The following PLD1 variants were observed in gnomAD, a reference collection of about 807,000 sequenced individuals.
PLD1 encodes choline phosphatase 1.
In PLD1, 112 loss-of-function variants were observed where a neutral mutation model predicts 137.1. The observed-to-expected ratio is 0.82, with a 90% CI of 0.70 to 0.96. The LOEUF (loss-of-function observed/expected upper bound fraction) is 0.96. Ranked by LOEUF, PLD1 falls within the 40% of genes least tolerant of loss-of-function variation. PLD1 has a pLI of 0.00. For missense variants in PLD1, 1,321 were observed against 1,342.0 expected (o/e 0.98, Z 0.24); for synonymous variants, 431 against 454.7 (o/e 0.95, Z 0.66).
At chr3:171,716,574 T>G (rs556708776) in intron 8 of PLD1, among the ~76,000 whole-genome samples, 31 of 152,234 alleles carry the variant, frequency 2.0e-4, no homozygotes, top group Non-Finnish European at 4.0e-4. Flanking sequence ...CTTTGCCCAC[T>G]TTTTAATGGA....
chr3:171,687,337 G>T lies in PLD1; in HGVS notation c.1753+34C>A, dbSNP rs369781972. 9.0e-6 allele frequency: 14 copies of T among 1,556,604 alleles called. 1 individual carries two copies. The African/African-American group carries it at 1.1e-4, about 12-fold the overall frequency. On this transcript the variant is annotated intron_variant, in intron 15 of 26. Coordinates refer to ENST00000351298, the MANE Select transcript of PLD1 (RefSeq NM_002662.5). ...TCTGGCTATGGAAGAACAGTGGGTAGTTAAGATAAATTCTAGTCAAGGCCA... is the reference window on the plus strand; with the variant it reads ...TCTGGCTATGGAAGAACAGTGGGTATTTAAGATAAATTCTAGTCAAGGCCA...
At chr3:171,729,146 AGCCTAACGGCATTTC>A (rs1359872559) in intron 6 of PLD1, among the ~76,000 whole-genome samples, 2 of 152,268 alleles carry the variant, frequency 1.3e-5, no homozygotes, top group Non-Finnish European at 2.9e-5. Context: ...AGATCAATTT[AGCCTAACGGCATTTC>A]GCAGGGCTTA....
chr3:171,774,356 G>A (rs900998274), intron 1 of PLD1, among the ~76,000 whole-genome samples: 2 of 152,162 alleles, frequency 1.3e-5, no homozygotes, highest in Non-Finnish European at 2.9e-5. Flanking sequence ...CCCAGGGAGA[G>A]GGCACTCACT....
At position 171,646,629 on chromosome 3, in the gene PLD1, AG is replaced by A. The variant is rs1736240922; in HGVS notation, c.2430-1607del. 2.0e-5 allele frequency among the ~76,000 whole-genome samples: 3 copies of A among 151,226 alleles called. No individual in the cohort carries two copies. The South Asian group carries it at 6.2e-4, about 31-fold the overall frequency. On this transcript the variant is annotated intron_variant, in intron 21 of 26. Coordinates refer to ENST00000351298, the MANE Select transcript of PLD1 (RefSeq NM_002662.5). ...AAGTTTGCTGCTTGGTAAGAATAAA[AG>A]GCTCACATCCCTAAATGGTGAGCAG...
At chr3:171,705,854 T>C (rs4894499) in intron 11 of PLD1, among the ~76,000 whole-genome samples, 34,655 of 152,066 alleles carry the variant, frequency 0.23, 4,233 homozygotes, top group Admixed American at 0.3. Context: ...CAACAAACTA[T>C]AGCTCACAAG....
At chr3:171,628,541 G>T (rs1057499941) in intron 23 of PLD1, among the ~76,000 whole-genome samples, 3 of 151,846 alleles carry the variant, frequency 2.0e-5, no homozygotes, top group Non-Finnish European at 2.9e-5. Flanking sequence ...TACCAAAGCC[G>T]GGCAGAGACA....
chr3:171,674,487 A>C lies in PLD1; in HGVS notation c.2229+13T>G, dbSNP rs1713120425. On this transcript the variant is annotated intron_variant, in intron 19 of 26. Coordinates refer to ENST00000351298, the MANE Select transcript of PLD1 (RefSeq NM_002662.5). Reference sequence around the variant, plus strand: ...TAGCATTTTGTCAAAAAGAAAAGCCAGAACTTACTTACCTGTACGTTAGCA... The same window carrying C: ...TAGCATTTTGTCAAAAAGAAAAGCCCGAACTTACTTACCTGTACGTTAGCA... 4.3e-6 allele frequency: 6 copies of C among 1,397,634 alleles called. No individual in the cohort carries two copies. Among genetic ancestry groups the C allele is most frequent in the Non-Finnish European group, 5.0e-6 (5 of 1,001,122 alleles). The allele number at this position is 1,397,634 out of a possible 1,614,324, so 86.6% of individuals were successfully genotyped here.
In PLD1 at chr3:171,734,849, TA is replaced by T. The variant is rs1217513880; in HGVS notation, c.540+15del. ...CAAAATTAGGTTTAAAACCACAGAA[TA>T]GTGAAGAAACTTACTCTTCTACCAA... On this transcript the variant is annotated intron_variant, in intron 5 of 26. Coordinates refer to ENST00000351298, the MANE Select transcript of PLD1 (RefSeq NM_002662.5). The T allele has an allele frequency of 6.7e-7, 1 of 1,492,314 alleles. No individual in the cohort carries two copies. Among genetic ancestry groups the T allele is most frequent in the Non-Finnish European group, 9.4e-7 (1 of 1,069,240 alleles). The allele number at this position is 1,492,314 out of a possible 1,614,324, so 92.4% of individuals were successfully genotyped here.
At position 171,688,669 on chromosome 3, in the gene PLD1, T is replaced by G; in HGVS notation, c.1539+7A>C. ...TATACATTTCCATAAAGGTTAAATA[T>G]ACTTACTGGGAGGGAACCCAGAGAC... On this transcript the variant is annotated splice_region_variant and intron_variant, in intron 14 of 26. Coordinates refer to ENST00000351298, the MANE Select transcript of PLD1 (RefSeq NM_002662.5). 1 of 1,599,950 alleles carries G rather than the reference T, an allele frequency of 6.3e-7. No homozygotes were observed.
At chr3:171,775,685 A>G (rs1204277259) in intron 1 of PLD1, among the ~76,000 whole-genome samples, 2 of 152,106 alleles carry the variant, frequency 1.3e-5, no homozygotes, top group Non-Finnish European at 2.9e-5. Flanking sequence ...TCTACTAAAA[A>G]TACAAAAATT....
chr3:171,722,232 C>T lies in PLD1; in HGVS notation c.758+2464G>A, dbSNP rs558337538. On this transcript the variant is annotated intron_variant, in intron 8 of 26. Transcript: ENST00000351298. ...CTCAAGGAGTTTTTAGTTGGTAAGA[C>T]GTAAGATATAAAATAATGTTTTCTG... Among the ~76,000 whole-genome samples the T allele has an allele frequency of 3.9e-5, 6 of 152,144 alleles. 1 individual carries two copies. Among genetic ancestry groups the T allele is most frequent in the African/African-American group, 7.2e-5 (3 of 41,512 alleles).
chr3:171,808,966 A>G (rs1349908120), intron 1 of PLD1, among the ~76,000 whole-genome samples: 1 of 151,844 alleles, frequency 6.6e-6, no homozygotes. Context: ...CTGGGATTAC[A>G]GGCGTGTGCC....
Position 171,692,318 on chromosome 3 carries a change from A to T in PLD1, c.1338+14T>A. The T allele has an allele frequency of 8.6e-7, 1 of 1,161,468 alleles. No individual in the cohort carries two copies. Among genetic ancestry groups the T allele is most frequent in the Non-Finnish European group, 1.3e-6 (1 of 771,968 alleles). 71.9% of individuals were successfully genotyped at this position (1,161,468 alleles called of 1,614,324 possible). On this transcript the variant is annotated intron_variant, in intron 13 of 26. Coordinates refer to ENST00000351298, the MANE Select transcript of PLD1 (RefSeq NM_002662.5). The stretch of plus-strand genomic sequence containing the variant: ...TAATAAAGAAACATTGGTTATCAAG[A>T]TGAACCTGAATACCTTTATGTTGGG...
At position 171,674,979 on chromosome 3, in the gene PLD1, C is replaced by CAAA. The variant is rs376402019; in HGVS notation, c.2116-369_2116-367dup. 7.6e-3 allele frequency among the ~76,000 whole-genome samples: 572 copies of CAAA among 74,828 alleles called. 15 individuals carry two copies. Among genetic ancestry groups the CAAA allele is most frequent in the African/African-American group, 0.019 (416 of 21,704 alleles). The allele number at this position is 74,828 out of a possible 152,430, so 49.1% of individuals were successfully genotyped here. On this transcript the variant is annotated intron_variant, in intron 18 of 26. Transcript: ENST00000351298. ...GGGTGACAAGAGTGAATCTCCATCT[C>CAAA]AAAAAAAAAAAAAAAAAAAAGAAAA...
chr3:171,773,324 T>C (rs1024929364), intron 1 of PLD1, among the ~76,000 whole-genome samples: 1 of 152,194 alleles, frequency 6.6e-6, no homozygotes, highest in Non-Finnish European at 1.5e-5. Context: ...CCAGGTGCAG[T>C]GGCTCATGCC....
chr3:171,650,764 G>A (rs1736663446), intron 21 of PLD1, among the ~76,000 whole-genome samples: 1 of 152,110 alleles, frequency 6.6e-6, no homozygotes, highest in African/African-American at 2.4e-5. Flanking sequence ...CAGGCGTGGT[G>A]GCGGGCGCCT....
chr3:171,614,955 T>C (rs977460031), intron 24 of PLD1, among the ~76,000 whole-genome samples: 1 of 152,222 alleles, frequency 6.6e-6, no homozygotes, highest in African/African-American at 2.4e-5. Context: ...TTCTTGTATT[T>C]TAAGGGCCAA....
intron 1 of PLD1, among the ~76,000 whole-genome samples, chr3:171,771,825 T>C (rs1229944539): frequency 6.6e-6 from 1 of 152,230 alleles, no homozygotes; most frequent in Non-Finnish European, 1.5e-5. Flanking sequence ...AAAAACCTCA[T>C]CAAATCCAAC....
At position 171,612,336 on chromosome 3, in the gene PLD1, T is replaced by A. The variant is rs1220377397; in HGVS notation, c.2825A>T (p.Asp942Val). Residue 942 changes from aspartate to valine, a missense_variant, in exon 25 of 27, where the codon GAT becomes GTT. Coordinates refer to ENST00000351298, the MANE Select transcript of PLD1 (RefSeq NM_002662.5). The surrounding 1 kb of genome is among the most constrained non-coding windows in gnomAD (Gnocchi z 4.1). Reference sequence around the variant, plus strand: ...CCGGCCAGCTTGGTACTCTTTTCCATCCATTACTGAAGGAACAGTCTCTGT... The same window carrying A: ...CCGGCCAGCTTGGTACTCTTTTCCAACCATTACTGAAGGAACAGTCTCTGT... ...QDTETVPSVM[D>V]GKEYQAGRFA... 1.9e-6 allele frequency: 3 copies of A among 1,614,004 alleles called. No homozygotes were observed. Among genetic ancestry groups the A allele is most frequent in the South Asian group, 2.2e-5 (2 of 91,076 alleles).
Sources: gnomAD v4.1 joint callset for allele counts (sites outside exome capture counted in the v4.1 genomes callset) on GRCh38, gnomAD v4.1.1 for gene constraint, Gnocchi (gnomAD v3.1) non-coding constraint, MANE v1.5 for transcripts, NCBI Gene and HGNC (gene_info 2026-07-23, HGNC 2026-07-21) for gene names.